ZBTB7C: variants seen among roughly 807,000 people sequenced by gnomAD.
The protein encoded by ZBTB7C is zinc finger and BTB domain-containing protein 7C.
In ZBTB7C, 8 loss-of-function variants were observed where a neutral mutation model predicts 25.7. The ratio of observed to expected loss-of-function variants is 0.31; its 90% confidence interval spans 0.18 to 0.56. The LOEUF is 0.56. Among genes scored for constraint, ZBTB7C ranks in the 20% least tolerant of loss-of-function variants. ZBTB7C has a pLI of 0.91. For synonymous variants in ZBTB7C, 394 were observed against 369.0 expected, an observed-to-expected ratio of 1.07 and a Z score of -0.78; for missense variants, 824 against 855.2, an observed-to-expected ratio of 0.96 and a Z score of 0.46.
chr18:48,079,909 T>C (rs551022773), intron 3 of ZBTB7C, among the ~76,000 whole-genome samples: 10 of 152,340 alleles, frequency 6.6e-5, no homozygotes, highest in African/African-American at 2.2e-4. Flanking sequence ...TGTGGGCCAG[T>C]GGGCAAGTGC....
intron 3 of ZBTB7C, among the ~76,000 whole-genome samples, chr18:48,146,599 A>G (rs1332355386): frequency 6.6e-6 from 1 of 152,246 alleles, no homozygotes; most frequent in East Asian, 1.9e-4. Context: ...GCAATTGCCT[A>G]CTTCACACTC....
intron 3 of ZBTB7C, among the ~76,000 whole-genome samples, chr18:48,095,718 TAAATA>T (rs74172091): frequency 5.9e-4 from 79 of 132,888 alleles, no homozygotes; most frequent in African/African-American, 1.8e-3. Context: ...TCTCAAAAAA[TAAATA>T]AAATAAAATA....
chr18:48,156,609 T>C (rs1257719981), intron 3 of ZBTB7C, among the ~76,000 whole-genome samples: 1 of 152,208 alleles, frequency 6.6e-6, no homozygotes, highest in Non-Finnish European at 1.5e-5. Flanking sequence ...GCTACTATCG[T>C]TGATCAAAGT....
At chr18:48,241,227 G>A (rs1173155070) in intron 2 of ZBTB7C, among the ~76,000 whole-genome samples, 1 of 152,106 alleles carries the variant, frequency 6.6e-6, no homozygotes, top group African/African-American at 2.4e-5. Flanking sequence ...TCTAAGAAAT[G>A]AAATAGATGG....
chr18:48,127,052 G>GGA (rs2144750714), intron 3 of ZBTB7C, among the ~76,000 whole-genome samples: 1 of 152,292 alleles, frequency 6.6e-6, no homozygotes, highest in South Asian at 2.1e-4. Context: ...CACCACTTAT[G>GGA]GAGTGTGCAC....
intron 1 of ZBTB7C, among the ~76,000 whole-genome samples, chr18:48,346,934 G>A (rs1342307635): frequency 5.3e-5 from 8 of 150,922 alleles, no homozygotes; most frequent in Middle Eastern, 7.0e-3. Context: ...ACAGGCACGC[G>A]CCACCACACC....
At chr18:48,067,635 G>A (rs535799116) in intron 3 of ZBTB7C, among the ~76,000 whole-genome samples, 2 of 152,240 alleles carry the variant, frequency 1.3e-5, no homozygotes, top group Non-Finnish European at 2.9e-5. Context: ...CTCTCCCGTG[G>A]GTCTCCAGTC....
chr18:48,292,321 C>T (rs1203671088), intron 2 of ZBTB7C, among the ~76,000 whole-genome samples: 1 of 152,100 alleles, frequency 6.6e-6, no homozygotes, highest in Non-Finnish European at 1.5e-5. Flanking sequence ...CTACAGTGGG[C>T]ACAACTGAGG....
At chr18:48,153,778 G>T (rs1406611268) in intron 3 of ZBTB7C, among the ~76,000 whole-genome samples, 1 of 152,214 alleles carries the variant, frequency 6.6e-6, no homozygotes, top group Non-Finnish European at 1.5e-5. Flanking sequence ...GTTCTTTGAG[G>T]TCAAAGCTCC....
At chr18:48,091,238 A>ATTTTTTTT (rs35051690) in intron 3 of ZBTB7C, among the ~76,000 whole-genome samples, 6,773 of 64,542 alleles carry the variant, frequency 0.1, 437 homozygotes, top group Non-Finnish European at 0.13. Flanking sequence ...TGCCCGGATA[A>ATTTTTTTT]TTTTTTTTTT....
chr18:48,256,981 T>C (rs1480492109), intron 2 of ZBTB7C, among the ~76,000 whole-genome samples: 3 of 151,656 alleles, frequency 2.0e-5, no homozygotes, highest in Non-Finnish European at 4.4e-5. Context: ...AGAAAACAAA[T>C]AGAAAGATGA....
intron 3 of ZBTB7C, chr18:48,088,380 T>A (rs2038275092): frequency 6.6e-6 from 1 of 152,030 alleles, no homozygotes; most frequent in African/African-American, 2.4e-5. Flanking sequence ...AATATTTAGG[T>A]ATGGATAAGT....
intron 4 of ZBTB7C, 56 bp from the exon 5 acceptor site, chr18:48,029,967 AC>A (rs1416473210): frequency 6.2e-7 from 1 of 1,600,914 alleles, no homozygotes; most frequent in African/African-American, 1.3e-5. Context: ...GCCATTCCTA[AC>A]CTTTTGCTCC....
chr18:48,402,511 G>A (rs528827777), intron 1 of ZBTB7C, among the ~76,000 whole-genome samples: 2 of 152,188 alleles, frequency 1.3e-5, no homozygotes, highest in African/African-American at 4.8e-5. Flanking sequence ...GTGTTGGAAG[G>A]GGGGAAGGAC....
chr18:48,337,123 A>C (rs2046474708), intron 2 of ZBTB7C, among the ~76,000 whole-genome samples: 1 of 152,204 alleles, frequency 6.6e-6, no homozygotes, highest in East Asian at 1.9e-4. Context: ...AAGGCCACCC[A>C]GAAGTCCTAA....
At chr18:48,277,624 A>G (rs1210422438) in intron 2 of ZBTB7C, among the ~76,000 whole-genome samples, 1 of 152,254 alleles carries the variant, frequency 6.6e-6, no homozygotes, top group East Asian at 1.9e-4. Context: ...TTATGGCTGC[A>G]TCATGAAGGG....
At chr18:48,097,488 C>T (rs2038681252) in intron 3 of ZBTB7C, among the ~76,000 whole-genome samples, 2 of 152,072 alleles carry the variant, frequency 1.3e-5, no homozygotes, top group Non-Finnish European at 2.9e-5. Context: ...CCTCTGCCTC[C>T]TGGGTTCAAG....
intron 3 of ZBTB7C, among the ~76,000 whole-genome samples, chr18:48,163,395 G>A (rs997520101): frequency 7.9e-5 from 12 of 152,168 alleles, no homozygotes; most frequent in African/African-American, 2.9e-4. Context: ...CTGATCCGTA[G>A]CAATGTGGGG....
intron 3 of ZBTB7C, among the ~76,000 whole-genome samples, chr18:48,113,895 G>A (rs1401009411): frequency 2.0e-5 from 3 of 152,216 alleles, no homozygotes; most frequent in Non-Finnish European, 4.4e-5. Context: ...TGCACCAGGA[G>A]CCTGGGGCCG....
Sources: gnomAD v4.1 joint callset for allele counts (sites outside exome capture counted in the v4.1 genomes callset) on GRCh38, gnomAD v4.1.1 for gene constraint, MANE v1.5 for transcripts, NCBI Gene and HGNC (gene_info 2026-07-23, HGNC 2026-07-21) for gene names.